PYROXD1: variants seen among roughly 807,000 people sequenced by gnomAD.
The protein encoded by PYROXD1 is pyridine nucleotide-disulphide oxidoreductase domain 1.
In PYROXD1, 42 loss-of-function variants were observed where a neutral mutation model predicts 62.0. The ratio of observed to expected loss-of-function variants is 0.68; its 90% CI spans 0.53 to 0.88. The LOEUF (loss-of-function observed/expected upper bound fraction) is 0.88. Ranked by LOEUF, PYROXD1 falls within the 40% of genes least tolerant of loss-of-function variation. The pLI is 0.00. For synonymous variants in PYROXD1, 170 were observed against 206.4 expected, an observed-to-expected ratio of 0.82 and a Z score of 1.51; for missense variants, 493 against 604.8, an observed-to-expected ratio of 0.82 and a Z score of 1.94.
chr12:21,464,602 C>G (rs890237065), intron 10 of PYROXD1, among the ~76,000 whole-genome samples: 1 of 151,976 alleles, frequency 6.6e-6, no homozygotes. Flanking sequence ...TTAATTCTCT[C>G]AATAGTTACA....
rs146792991 is a variant in PYROXD1 at position 21,455,198 on chromosome 12, C to T, written c.555C>T (p.Phe185=). 1.1e-3 allele frequency: 1,682 copies of T among 1,570,102 alleles called. 10 individuals carry two copies. The African/African-American group carries it at 0.019, about 17-fold the overall frequency. ...ATAAAGCTATAGGGAATACTTTCTT[C>T]GATGCAGGAGCAGCTGAATTCTTGA... is the stretch of plus-strand genomic sequence containing the variant. ...IKDKAIGNTF[F]DAGAAEFLTS... The change falls in exon 6 of 12, where the codon TTC becomes TTT. Residue 185 remains phenylalanine, a synonymous_variant. Coordinates refer to ENST00000240651, the MANE Select transcript of PYROXD1 (RefSeq NM_024854.5).
intron 5 of PYROXD1, among the ~76,000 whole-genome samples, chr12:21,453,230 CAG>C (rs1352700487): frequency 2.6e-5 from 4 of 152,026 alleles, no homozygotes; most frequent in African/African-American, 7.2e-5. Context: ...CAAAAATGTT[CAG>C]AGTCTTACAT....
intron 3 of PYROXD1, among the ~76,000 whole-genome samples, chr12:21,445,928 G>T (rs1371313180): frequency 6.6e-6 from 1 of 152,156 alleles, no homozygotes; most frequent in Non-Finnish European, 1.5e-5. Flanking sequence ...ATTAACAGAT[G>T]AGTGAAATTA....
intron 5 of PYROXD1, among the ~76,000 whole-genome samples, chr12:21,452,633 T>C (rs1447533031): frequency 1.3e-5 from 2 of 152,124 alleles, no homozygotes; most frequent in East Asian, 1.9e-4. Context: ...TTCTTGCAGC[T>C]CTTTTTTTGG....
intron 5 of PYROXD1, among the ~76,000 whole-genome samples, chr12:21,452,389 G>A (rs1358694522): frequency 6.6e-6 from 1 of 151,996 alleles, no homozygotes; most frequent in African/African-American, 2.4e-5. Flanking sequence ...AAATATATAT[G>A]TTTTGGGAAT....
At position 21,445,442 on chromosome 12, in the gene PYROXD1, A is replaced by G; in HGVS notation, c.261A>G (p.Val87=). 1.2e-6 allele frequency: 2 copies of G among 1,604,744 alleles called. No homozygotes were observed. The highest frequency in any genetic ancestry group is 2.2e-5 in the East Asian group (1 of 44,690). ...FPNIKVIESG[V]KQLKSEEHCI... ...ACATTAAGGTTATAGAATCTGGCGT[A>G]AAGCAACTGAAGAGTGAAGAACACG... Residue 87 remains valine, a synonymous_variant, in exon 3 of 12, where the codon GTA becomes GTG. Transcript: ENST00000240651.
chr12:21,446,439 A>G (rs7973116), intron 3 of PYROXD1, among the ~76,000 whole-genome samples: 57,932 of 151,374 alleles, frequency 0.38, 11,317 homozygotes, highest in Middle Eastern at 0.48. Flanking sequence ...AAAAGAGAGA[A>G]GTTGAGTTTG....
Position 21,454,233 on chromosome 12 carries a change from G to A in PYROXD1, c.489-899G>A, listed in dbSNP as rs532820789. Among the ~76,000 whole-genome samples the A allele has an allele frequency of 7.2e-5, 11 of 151,912 alleles. No homozygotes were observed. In the East Asian group the frequency reaches 9.6e-4, roughly 13 times the overall value. On this transcript the variant is annotated intron_variant, in intron 5 of 11. Coordinates refer to ENST00000240651, the MANE Select transcript of PYROXD1 (RefSeq NM_024854.5). ...AATAAAGATGACAATACTTTGTACC[G>A]TAAAGAAATGTGAAAAATTAATACC...
intron 2 of PYROXD1, among the ~76,000 whole-genome samples, chr12:21,443,654 A>T (rs1041191881): frequency 3.9e-5 from 6 of 152,204 alleles, no homozygotes; most frequent in African/African-American, 1.4e-4. Context: ...AATTTCTAAA[A>T]TGTCGAAAAA....
chr12:21,465,918 T>C (rs1565555890), intron 10 of PYROXD1, among the ~76,000 whole-genome samples: 1 of 152,196 alleles, frequency 6.6e-6, no homozygotes, highest in African/African-American at 2.4e-5. Context: ...ATTTATTAAA[T>C]AGGGAATCCC....
At chr12:21,439,285 C>T (rs1294540215) in intron 1 of PYROXD1, among the ~76,000 whole-genome samples, 1 of 152,094 alleles carries the variant, frequency 6.6e-6, no homozygotes, top group African/African-American at 2.4e-5. Context: ...GTGGCAGAGG[C>T]AGCTGGTTTA....
Position 21,461,141 on chromosome 12 carries a change from T to C in PYROXD1, c.867T>C (p.Val289=). The C allele has an allele frequency of 6.5e-7, 1 of 1,533,826 alleles. No individual in the cohort carries two copies. The highest frequency in any genetic ancestry group is 8.7e-7 in the Non-Finnish European group (1 of 1,143,834). The change falls in exon 8 of 12, where the codon GTT becomes GTC. Residue 289 remains valine (V), a synonymous_variant. Coordinates refer to ENST00000240651, the MANE Select transcript of PYROXD1 (RefSeq NM_024854.5). ...SFTFPRDHKS[V]TADTEMWPVY... The stretch of plus-strand genomic sequence containing the variant: ...CTTTTCCAAGAGACCATAAGTCAGT[T>C]ACAGCTGATACAGGCAAGTAATGAA...
Position 21,438,126 on chromosome 12 carries a change from C to A in PYROXD1, c.84+312C>A, listed in dbSNP as rs992438806. The A allele has an allele frequency of 7.1e-5, 25 of 349,668 alleles. No homozygotes were observed. The South Asian group carries it at 1.5e-3, about 21-fold the overall frequency. The allele number at this position is 349,668 out of a possible 1,614,324, so 21.7% of individuals were successfully genotyped here. ...TTTGTATTTAGACAAAAAATTCAGCCCCCTTTCTTTTTATTTTTTTTTCTT... is the reference window on the plus strand; with the variant it reads ...TTTGTATTTAGACAAAAAATTCAGCACCCTTTCTTTTTATTTTTTTTTCTT... On this transcript the variant is annotated intron_variant, in intron 1 of 11. Coordinates refer to ENST00000240651, the MANE Select transcript of PYROXD1 (RefSeq NM_024854.5).
chr12:21,437,902 C>T (rs564260210), intron 1 of PYROXD1, 88 bp downstream of exon 1: 41 of 1,228,760 alleles, frequency 3.3e-5, no homozygotes, highest in Non-Finnish European at 3.9e-5. Context: ...CTCCCTTTTT[C>T]TTCTTCCGGG....
Position 21,459,625 on chromosome 12 carries a change from T to C in PYROXD1, c.751-1400T>C, listed in dbSNP as rs376169309. ...GGAAGTGGAAGACAGTCTTGTGAGATTGATCCCTCAACATGTGGGACCTGA... is the reference window on the plus strand; with the variant it reads ...GGAAGTGGAAGACAGTCTTGTGAGACTGATCCCTCAACATGTGGGACCTGA... On this transcript the variant is annotated intron_variant, in intron 7 of 11. Transcript: ENST00000240651. 8.5e-5 allele frequency among the ~76,000 whole-genome samples: 13 copies of C among 152,302 alleles called. No individual in the cohort carries two copies. In the East Asian group the frequency reaches 1.5e-3, roughly 18 times the overall value.
intron 4 of PYROXD1, among the ~76,000 whole-genome samples, chr12:21,449,967 C>T (rs1942462813): frequency 6.6e-6 from 1 of 151,582 alleles, no homozygotes; most frequent in Non-Finnish European, 1.5e-5. Context: ...ACGCCATTCT[C>T]CTGCCTCAGC....
intron 7 of PYROXD1, among the ~76,000 whole-genome samples, chr12:21,458,105 C>T (rs1216824962): frequency 6.6e-6 from 1 of 152,146 alleles, no homozygotes; most frequent in African/African-American, 2.4e-5. Context: ...TTGTGAAGGT[C>T]CTAGATAGCA....
chr12:21,466,457 G>A (rs1323608072), intron 10 of PYROXD1, among the ~76,000 whole-genome samples: 2 of 151,856 alleles, frequency 1.3e-5, no homozygotes, highest in Non-Finnish European at 2.9e-5. Context: ...CTCATGATTT[G>A]GCTCTGTTTG....
At position 21,445,548 on chromosome 12, in the gene PYROXD1, A is replaced by G. The variant is rs1461060902; in HGVS notation, c.285+82A>G. The G allele has an allele frequency of 6.1e-6, 8 of 1,316,980 alleles. No homozygotes were observed. The Admixed American group carries it at 8.5e-5, about 14-fold the overall frequency. The allele number at this position is 1,316,980 out of a possible 1,614,324, so 81.6% of individuals were successfully genotyped here. A position where few individuals can be genotyped will look rare whatever the true frequency, so the allele number is the denominator to read the frequency against. On this transcript the variant is annotated intron_variant, in intron 3 of 11. Coordinates refer to ENST00000240651, the MANE Select transcript of PYROXD1 (RefSeq NM_024854.5). ...GCCTGCCTCTTTTCACTCCAGCTCT[A>G]CTACCACCACCATTTAAGTTTTTAA...
Sources: gnomAD v4.1 joint callset for allele counts (sites outside exome capture counted in the v4.1 genomes callset) on GRCh38, gnomAD v4.1.1 for gene constraint, MANE v1.5 for transcripts, NCBI Gene and HGNC (gene_info 2026-07-23, HGNC 2026-07-21) for gene names.